The following SCLT1 variants were observed in gnomAD, a reference collection of about 807,000 sequenced individuals.
SCLT1 encodes the protein sodium channel-associated protein 1.
SCLT1 carries 78 observed loss-of-function variants against 112.8 expected under a neutral mutation model. The observed-to-expected ratio is 0.69, with a 90% CI of 0.58 to 0.83. SCLT1 has a LOEUF of 0.83. SCLT1 is among the 40% of genes least tolerant of loss of function. The probability of loss-of-function intolerance (pLI) is 0.00; values close to 1 mark genes in which losing one functional copy is unlikely to be tolerated. For synonymous variants in SCLT1, 257 were observed against 254.7 expected (o/e 1.01, Z -0.09); for missense variants, 747 against 770.4 (o/e 0.97, Z 0.36).
At chr4:128,906,980 T>C (rs1486148980) in intron 18 of SCLT1, among the ~76,000 whole-genome samples, 4 of 152,100 alleles carry the variant, frequency 2.6e-5, no homozygotes, top group African/African-American at 7.2e-5. Context: ...TAAGCTGATA[T>C]ATAAAAGATA....
At chr4:128,883,157 C>CAAAAAAAAAAA (rs34993678), downstream of SCLT1, among the ~76,000 whole-genome samples, 23 of 57,688 alleles carry the variant, frequency 4.0e-4, no homozygotes, top group Admixed American at 9.4e-4. Flanking sequence ...ACAACAACAA[C>CAAAAAAAAAAA]AAAAAAAAAA....
At chr4:128,956,838 T>G (rs1739257383) in intron 13 of SCLT1, among the ~76,000 whole-genome samples, 188 bp downstream of exon 13, 1 of 152,078 alleles carries the variant, frequency 6.6e-6, no homozygotes, top group African/African-American at 2.4e-5. Context: ...TGGAGATAAT[T>G]TTAAAGGAAA....
At chr4:128,983,734 C>T (rs1176845029) in intron 9 of SCLT1, among the ~76,000 whole-genome samples, 2 of 152,042 alleles carry the variant, frequency 1.3e-5, no homozygotes, top group African/African-American at 2.4e-5. Flanking sequence ...ATGATTAAAG[C>T]TTTAATTATA....
At chr4:128,961,063 G>A (rs981642831) in intron 11 of SCLT1, among the ~76,000 whole-genome samples, 3 of 148,086 alleles carry the variant, frequency 2.0e-5, no homozygotes, top group Non-Finnish European at 3.0e-5. Flanking sequence ...GGGAATCTTC[G>A]CCACACTAAA....
intron 10 of SCLT1, among the ~76,000 whole-genome samples, chr4:128,968,893 A>G (rs1740434181): frequency 6.6e-6 from 1 of 152,186 alleles, no homozygotes; most frequent in Admixed American, 6.5e-5. Context: ...GGGCAGAGTT[A>G]GGGCTCATCA....
intron 12 of SCLT1, among the ~76,000 whole-genome samples, chr4:128,957,589 AATCATTTCC>A (rs371489123): frequency 4.1e-4 from 62 of 152,218 alleles, no homozygotes; most frequent in African/African-American, 1.4e-3. Flanking sequence ...CTATAATTCC[AATCATTTCC>A]ATCCTCCACC....
intron 1 of SCLT1, among the ~76,000 whole-genome samples, chr4:129,090,909 G>C (rs182355668): frequency 3.9e-5 from 6 of 152,212 alleles, no homozygotes; most frequent in African/African-American, 1.4e-4. Context: ...CAGAGGAAAT[G>C]TCATGTGGGG....
intron 18 of SCLT1, among the ~76,000 whole-genome samples, chr4:128,900,372 A>G (rs554527338): frequency 5.9e-4 from 90 of 152,270 alleles, no homozygotes; most frequent in African/African-American, 1.9e-3. Flanking sequence ...AAATAATGCC[A>G]CATATCTACA....
chr4:128,891,181 T>C, intron 18 of SCLT1, 44 bp from the exon 19 acceptor site: 3 of 1,392,002 alleles, frequency 2.2e-6, no homozygotes, highest in Admixed American at 1.8e-5. Flanking sequence ...TTGTTCCAAA[T>C]AGAAAACAGA....
At chr4:129,031,633 T>C (rs1290503909) in intron 5 of SCLT1, among the ~76,000 whole-genome samples, 1 of 152,094 alleles carries the variant, frequency 6.6e-6, no homozygotes, top group African/African-American at 2.4e-5. Context: ...ACCAAATTAA[T>C]GTGCAAAATC....
chr4:128,878,178 T>C (rs1732564743), intron 3 of SCLT1, among the ~76,000 whole-genome samples: 1 of 152,206 alleles, frequency 6.6e-6, no homozygotes, highest in African/African-American at 2.4e-5. Flanking sequence ...CAGTTATTTT[T>C]ACAAATGAAT....
At chr4:128,874,209 G>A (rs377606736) in intron 5 of SCLT1, 3 of 152,666 alleles carry the variant, frequency 2.0e-5, no homozygotes, top group South Asian at 2.1e-4. Context: ...CTGGATACAG[G>A]AGAAGGTTGG....
At chr4:128,954,390 C>T (rs1329586214) in intron 13 of SCLT1, among the ~76,000 whole-genome samples, 1 of 150,516 alleles carries the variant, frequency 6.6e-6, no homozygotes. Context: ...GTGATCTCAG[C>T]TCACGGCAAG....
intron 18 of SCLT1, among the ~76,000 whole-genome samples, chr4:128,934,886 A>T (rs1035344962): frequency 6.6e-6 from 1 of 151,968 alleles, no homozygotes; most frequent in Admixed American, 6.6e-5. Context: ...ACATCTTGTC[A>T]GTCTTCAAAA....
intron 5 of SCLT1, among the ~76,000 whole-genome samples, chr4:129,019,061 T>C (rs1745225669): frequency 6.6e-6 from 1 of 152,180 alleles, no homozygotes; most frequent in Non-Finnish European, 1.5e-5. Flanking sequence ...CCACTTGTAG[T>C]ATCATTTCAA....
chr4:129,077,091 A>G (rs150161005), intron 2 of SCLT1, among the ~76,000 whole-genome samples: 36 of 152,278 alleles, frequency 2.4e-4, no homozygotes, highest in African/African-American at 8.2e-4. Context: ...TAAAGGTAAC[A>G]TAGTCCCCTA....
chr4:129,086,055 T>C (rs1490648677), intron 1 of SCLT1, among the ~76,000 whole-genome samples: 1 of 152,016 alleles, frequency 6.6e-6, no homozygotes, highest in African/African-American at 2.4e-5. Context: ...TTAATCACAA[T>C]ACAAACCTCT....
chr4:129,074,258 T>G (rs1408034216), intron 2 of SCLT1, among the ~76,000 whole-genome samples: 1 of 152,180 alleles, frequency 6.6e-6, no homozygotes, highest in African/African-American at 2.4e-5. Context: ...ACAAAGGTAG[T>G]GATAGAAAAT....
intron 9 of SCLT1, among the ~76,000 whole-genome samples, chr4:128,989,287 C>G (rs1742361716): frequency 6.6e-6 from 1 of 151,762 alleles, no homozygotes; most frequent in African/African-American, 2.4e-5. Context: ...TCTTTTCTGA[C>G]TACAAAGGAA....
Sources: gnomAD v4.1 joint callset for allele counts (sites outside exome capture counted in the v4.1 genomes callset) on GRCh38, gnomAD v4.1.1 for gene constraint, MANE v1.5 for transcripts, NCBI Gene and HGNC (gene_info 2026-07-23, HGNC 2026-07-21) for gene names.